Variants in ARHGEF18 observed in about 807,000 individuals in gnomAD.
ARHGEF18 encodes the protein rho guanine nucleotide exchange factor 18.
A neutral mutation model predicts 155.7 loss-of-function variants in ARHGEF18; 93 were observed. The ratio of observed to expected loss-of-function variants is 0.60; its 90% CI spans 0.50 to 0.71. ARHGEF18 has a LOEUF of 0.71. ARHGEF18 is among the 30% of genes least tolerant of loss of function. ARHGEF18 has a pLI of 0.00. For synonymous variants in ARHGEF18, 742 were observed against 753.1 expected (o/e 0.99, Z 0.24); for missense variants, 1,593 against 1,816.1 (o/e 0.88, Z 2.23).
At position 7,362,582 on chromosome 19, in the gene ARHGEF18, T is replaced by C. The variant is rs192794505; in HGVS notation, c.-110-199T>C. The stretch of plus-strand genomic sequence containing the variant: ...CATGATTGACTAGCAATGTCTGCCA[T>C]AGGCTTGGGATGGGGAAGAGGTGAC... On this transcript the variant is annotated intron_variant, in intron 1 of 28. Coordinates refer to ENST00000668164, the MANE Select transcript of ARHGEF18 (RefSeq NM_001367823.1). Among the ~76,000 whole-genome samples, 2 of 152,304 alleles carry C rather than the reference T, an allele frequency of 1.3e-5. 1 individual carries two copies. Among genetic ancestry groups the C allele is most frequent in the Admixed American group, 1.3e-4 (2 of 15,290 alleles).
chr19:7,431,168 T>G (rs1973937258), intron 10 of ARHGEF18, among the ~76,000 whole-genome samples: 1 of 151,490 alleles, frequency 6.6e-6, no homozygotes, highest in Non-Finnish European at 1.5e-5. Flanking sequence ...CATAAAAAGA[T>G]AAAATAACAG....
intron 10 of ARHGEF18, among the ~76,000 whole-genome samples, chr19:7,384,685 T>C (rs1374344392): frequency 2.2e-5 from 3 of 139,002 alleles, no homozygotes; most frequent in East Asian, 4.1e-4. Context: ...CATGAGCTTT[T>C]TGCAAAATTT....
intron 14 of ARHGEF18, among the ~76,000 whole-genome samples, chr19:7,446,220 C>T (rs1974978259): frequency 6.6e-6 from 1 of 150,504 alleles, no homozygotes; most frequent in African/African-American, 2.4e-5. Flanking sequence ...CCAACATGGT[C>T]AGGTTAGCCA....
intron 18 of ARHGEF18, 31 bp downstream of exon 18, chr19:7,456,434 C>G: frequency 6.2e-7 from 1 of 1,600,978 alleles, no homozygotes; most frequent in Non-Finnish European, 8.6e-7. Flanking sequence ...GACGAAGGGT[C>G]GGCTGGGTGC....
At chr19:7,376,061 AG>A (rs1187473948) in intron 4 of ARHGEF18, among the ~76,000 whole-genome samples, 191 bp downstream of exon 4, 4 of 152,068 alleles carry the variant, frequency 2.6e-5, no homozygotes, top group African/African-American at 4.8e-5. Context: ...CTAGGCCTGA[AG>A]GGATTTCCCT....
chr19:7,453,114 G>A (rs374779913), intron 16 of ARHGEF18, among the ~76,000 whole-genome samples: 13 of 152,078 alleles, frequency 8.5e-5, no homozygotes, highest in South Asian at 2.1e-4. Flanking sequence ...CAGGAGAATC[G>A]CTTGAACCTG....
chr19:7,370,907 TTTTTC>T (rs1970172842), intron 2 of ARHGEF18, among the ~76,000 whole-genome samples: 2 of 151,160 alleles, frequency 1.3e-5, no homozygotes, highest in African/African-American at 4.9e-5. Context: ...CCGCTTTTTT[TTTTTC>T]TTTCTTTCTT....
At chr19:7,377,277 G>C (rs998693912) in intron 5 of ARHGEF18, among the ~76,000 whole-genome samples, 1 of 152,020 alleles carries the variant, frequency 6.6e-6, no homozygotes, top group Non-Finnish European at 1.5e-5. Context: ...CGCCATGTTG[G>C]CCAGGCTGGT....
At chr19:7,451,807 C>T (rs966518101) in intron 16 of ARHGEF18, among the ~76,000 whole-genome samples, 2 of 151,904 alleles carry the variant, frequency 1.3e-5, no homozygotes, top group Non-Finnish European at 2.9e-5. Context: ...CTGCAACCTC[C>T]ACTTCCCAGG....
chr19:7,467,415 G>A lies in ARHGEF18; in HGVS notation c.3211G>A (p.Glu1071Lys). ...GCTGCGGCACGAGCAGCAGCGCTGGGAGCGCGAGCGCCAGTGGCAGCACCA... is the reference window on the plus strand; with the variant it reads ...GCTGCGGCACGAGCAGCAGCGCTGGAAGCGCGAGCGCCAGTGGCAGCACCA... Reference protein sequence around the residue: ...SQLRHEQQRWERERQWQHQEL... With the variant: ...SQLRHEQQRWKRERQWQHQEL... Residue 1071 changes from glutamate to lysine, a missense_variant, in exon 26 of 29, where the codon GAG (glutamate) becomes AAG (lysine). Glu to Lys is a moderately conservative substitution (Grantham distance 56). Transcript: ENST00000668164. The A allele has an allele frequency of 6.5e-7, 1 of 1,532,190 alleles. No individual in the cohort carries two copies. The highest frequency in any genetic ancestry group is 8.7e-7 in the Non-Finnish European group (1 of 1,145,434). 94.9% of individuals were successfully genotyped at this position (1,532,190 alleles called of 1,614,324 possible).
intron 2 of ARHGEF18, among the ~76,000 whole-genome samples, chr19:7,364,234 TGGATGGATGGGTTGATGGAAGGAAGGA>T (rs1313907096): frequency 7.0e-6 from 1 of 141,910 alleles, no homozygotes; most frequent in Non-Finnish European, 1.5e-5. Flanking sequence ...GTAAGGAAGA[TGGATGGATGGGTTGATGGAAGGAAGGA>T]GGATGGATAA....
Position 7,440,309 on chromosome 19 carries a change from T to C in ARHGEF18, c.968-35T>C, listed in dbSNP as rs764127431. On this transcript the variant is annotated intron_variant, in intron 10 of 28. Transcript: ENST00000668164. This position sits in a 1 kb window ranked among gnomAD's most constrained non-coding sequence, Gnocchi z 5.4. ...GGGACCTCCGCTACCCGACCCACTT[T>C]CTCAGCACCAACTCTGTCCTTGCCT... The C allele has an allele frequency of 9.4e-6, 15 of 1,601,748 alleles. No homozygotes were observed. The highest frequency in any genetic ancestry group is 1.3e-5 in the Non-Finnish European group (15 of 1,174,368).
At chr19:7,466,889 T>C in intron 23 of ARHGEF18, 29 bp from the exon 24 acceptor site, 1 of 1,609,354 alleles carries the variant, frequency 6.2e-7, no homozygotes, top group Non-Finnish European at 8.5e-7. Context: ...TGAGCCACTC[T>C]CTCTGGTTTG....
At chr19:7,437,320 C>T (rs1386618416) in intron 10 of ARHGEF18, among the ~76,000 whole-genome samples, 3 of 113,538 alleles carry the variant, frequency 2.6e-5, no homozygotes, top group Non-Finnish European at 3.6e-5. Flanking sequence ...CCCAGCTACT[C>T]GGGAGGCAGG....
chr19:7,367,081 A>G (rs1478136122), intron 2 of ARHGEF18, among the ~76,000 whole-genome samples: 1 of 152,144 alleles, frequency 6.6e-6, no homozygotes, highest in African/African-American at 2.4e-5. Context: ...TGAAATTTAA[A>G]AACAGCAATA....
At chr19:7,456,000 G>T (rs554554173) in intron 17 of ARHGEF18, among the ~76,000 whole-genome samples, 2 of 152,210 alleles carry the variant, frequency 1.3e-5, no homozygotes, top group Non-Finnish European at 2.9e-5. Flanking sequence ...CAGCCAAACC[G>T]TATCAGATTC....
chr19:7,441,558 G>T, intron 11 of ARHGEF18, 95 bp from the exon 12 acceptor site: 2 of 877,564 alleles, frequency 2.3e-6, no homozygotes, highest in East Asian at 2.4e-5. Context: ...AGAGAGTATC[G>T]AATCGGATGG....
rs959650395 is a variant in ARHGEF18 at position 7,440,333 on chromosome 19, C to T, written c.968-11C>T. 2 of 1,611,858 alleles carry T rather than the reference C, an allele frequency of 1.2e-6. No individual in the cohort carries two copies. Among genetic ancestry groups the T allele is most frequent in the Admixed American group, 1.7e-5 (1 of 59,614 alleles). ...TTCTCAGCACCAACTCTGTCCTTGC[C>T]TCTGTCACAGCCTCGCTCAAGGAGC... On this transcript the variant is annotated splice_polypyrimidine_tract_variant and intron_variant, in intron 10 of 28. Coordinates refer to ENST00000668164, the MANE Select transcript of ARHGEF18 (RefSeq NM_001367823.1). The surrounding 1 kb of genome is among the most constrained non-coding windows in gnomAD (Gnocchi z 5.4).
At chr19:7,406,906 A>C (rs1007959901) in intron 10 of ARHGEF18, among the ~76,000 whole-genome samples, 48 of 151,706 alleles carry the variant, frequency 3.2e-4, no homozygotes, top group African/African-American at 1.1e-3. Flanking sequence ...AAAACAAAAA[A>C]AAACAAAAAT....
Sources: allele counts gnomAD v4.1 joint callset (sites outside exome capture counted in the v4.1 genomes callset), GRCh38; gene constraint gnomAD v4.1.1; non-coding constraint Gnocchi (gnomAD v3.1); transcripts MANE v1.5; gene names NCBI Gene and HGNC (gene_info 2026-07-23, HGNC 2026-07-21).